The following TRDN variants were observed in gnomAD, a reference collection of about 807,000 sequenced individuals.
The protein encoded by TRDN is triadin, also known as triadin in skeletal muscle.
Under a neutral mutation model 149.7 loss-of-function variants are expected in TRDN, and 161 were observed. The observed-to-expected ratio is 1.08, with a 90% CI of 0.95 to 1.23. The LOEUF (loss-of-function observed/expected upper bound fraction) is 1.23, where lower values mean the gene tolerates loss of function less well. Ranked by LOEUF, TRDN falls within the 50% of genes most tolerant of loss-of-function variation. The pLI, the probability that TRDN is intolerant of heterozygous loss-of-function variation, is 0.00. For missense variants in TRDN, 896 were observed against 823.5 expected, an observed-to-expected ratio of 1.09 and a Z score of -1.08; for synonymous variants, 294 against 250.5, an observed-to-expected ratio of 1.17 and a Z score of -1.64.
chr6:123,382,360 C>T lies in TRDN; in HGVS notation c.1136-213G>A, dbSNP rs150729739. Among the ~76,000 whole-genome samples the T allele has an allele frequency of 8.0e-3, 1,210 of 150,950 alleles. 11 individuals are homozygous for T. The highest frequency in any genetic ancestry group is 0.012 in the Non-Finnish European group (803 of 67,564). ...GAGTGAGAAACTCTTTATAAAATAT[C>T]TTATATTAATAATATTTTATAAAGA... On this transcript the variant is annotated intron_variant, in intron 14 of 40. Transcript: ENST00000334268.
chr6:123,432,786 G>C (rs1024583233), intron 12 of TRDN, among the ~76,000 whole-genome samples: 7 of 151,950 alleles, frequency 4.6e-5, no homozygotes, highest in Non-Finnish European at 8.8e-5. Flanking sequence ...GATAACTTTT[G>C]CTTCTTGAAA....
rs1343399684 is a variant in TRDN at position 123,264,099 on chromosome 6, G to T, written c.1804+1219C>A. Among the ~76,000 whole-genome samples the T allele has an allele frequency of 2.0e-5, 3 of 152,160 alleles. No individual in the cohort carries two copies. The South Asian group carries it at 6.2e-4, about 32-fold the overall frequency. ...ATTCTGCAGCCCGTGGGACTAAAGA[G>T]TAATTTTGACATTCAAGTCTTATTA... is the stretch of plus-strand genomic sequence containing the variant. On this transcript the variant is annotated intron_variant, in intron 33 of 40. Transcript: ENST00000334268.
chr6:123,468,542 T>C (rs1031713603), intron 9 of TRDN, among the ~76,000 whole-genome samples: 34 of 152,188 alleles, frequency 2.2e-4, no homozygotes, highest in African/African-American at 7.5e-4. Flanking sequence ...TTCATTCTAA[T>C]GATCTAAGTT....
intron 20 of TRDN, among the ~76,000 whole-genome samples, chr6:123,355,304 G>T (rs1780623846): frequency 6.6e-6 from 1 of 151,270 alleles, no homozygotes; most frequent in African/African-American, 2.4e-5. Flanking sequence ...TCTTTCCTTT[G>T]TAACTAATGC....
intron 5 of TRDN, among the ~76,000 whole-genome samples, chr6:123,528,091 G>A (rs1045502865): frequency 6.6e-6 from 1 of 151,862 alleles, no homozygotes; most frequent in Non-Finnish European, 1.5e-5. Context: ...AGAAATAAAA[G>A]TTAGCTTGAT....
At chr6:123,430,432 A>G (rs1009317102) in intron 12 of TRDN, among the ~76,000 whole-genome samples, 2 of 151,872 alleles carry the variant, frequency 1.3e-5, no homozygotes, top group African/African-American at 2.4e-5. Flanking sequence ...ACTACAAAAA[A>G]TTAGCCAAGC....
intron 5 of TRDN, 144 bp from the exon 6 acceptor site, chr6:123,516,350 G>C: frequency 9.9e-7 from 1 of 1,010,502 alleles, no homozygotes; most frequent in Non-Finnish European, 1.3e-6. Context: ...GTAGTTAGAG[G>C]TTTAAACTTC....
At chr6:123,446,288 A>G (rs1775346783) in intron 10 of TRDN, among the ~76,000 whole-genome samples, 1 of 152,084 alleles carries the variant, frequency 6.6e-6, no homozygotes, top group Non-Finnish European at 1.5e-5. Flanking sequence ...CTAATGCTAG[A>G]TGACAAGTTA....
rs1782676881 is a variant in TRDN at position 123,573,452 on chromosome 6, T to C, written c.23-2320A>G. Among the ~76,000 whole-genome samples, 3 of 152,080 alleles carry C rather than the reference T, an allele frequency of 2.0e-5. No homozygotes were observed. In the South Asian group the frequency reaches 6.2e-4, roughly 31 times the overall value. ...GCACAACTATGACTCTCACTACAAC[T>C]ACAAATATCACTCTAAGAAAAGGCT... On this transcript the variant is annotated intron_variant, in intron 1 of 40. Transcript: ENST00000334268.
intron 23 of TRDN, among the ~76,000 whole-genome samples, chr6:123,326,526 A>G (rs769957709): frequency 1.6e-5 from 2 of 125,110 alleles, no homozygotes; most frequent in Non-Finnish European, 3.5e-5. Context: ...GAGTATATTA[A>G]TATTTCTCTT....
chr6:123,298,296 T>C (rs556454515), intron 24 of TRDN, among the ~76,000 whole-genome samples: 13 of 152,122 alleles, frequency 8.5e-5, no homozygotes, highest in African/African-American at 3.1e-4. Flanking sequence ...TCTTCCTCCA[T>C]TTCTGCCTTC....
chr6:123,482,373 T>C (rs1307872560), intron 9 of TRDN, among the ~76,000 whole-genome samples: 1 of 152,218 alleles, frequency 6.6e-6, no homozygotes, highest in Non-Finnish European at 1.5e-5. Flanking sequence ...ATAATTGTTA[T>C]TTAATAGGCT....
chr6:123,626,061 T>G (rs1390922801), intron 1 of TRDN, among the ~76,000 whole-genome samples: 1 of 152,214 alleles, frequency 6.6e-6, no homozygotes, highest in Non-Finnish European at 1.5e-5. Context: ...ACCCAGCCAT[T>G]GCTTTATCTT....
At chr6:123,271,731 T>C (rs2114613612) in intron 29 of TRDN, among the ~76,000 whole-genome samples, 1 of 152,090 alleles carries the variant, frequency 6.6e-6, no homozygotes, top group South Asian at 2.1e-4. Context: ...ATTGCCCTGA[T>C]ACTACATGAA....
rs188169449 is a variant in TRDN at position 123,472,010 on chromosome 6, A to G, written c.854-7027T>C. On this transcript the variant is annotated intron_variant, in intron 9 of 40. Coordinates refer to ENST00000334268, the MANE Select transcript of TRDN (RefSeq NM_006073.4). ...TAATACCCTAATTTTTAAGATAGAC[A>G]AAAAATGGTCTCCGGAAGGATAAAT... Among the ~76,000 whole-genome samples, 20 of 152,354 alleles carry G rather than the reference A, an allele frequency of 1.3e-4. No individual in the cohort carries two copies. The South Asian group carries it at 1.4e-3, about 11-fold the overall frequency.
Position 123,216,733 on chromosome 6 carries a change from T to C in TRDN, c.*1868A>G, listed in dbSNP as rs192301634. The C allele has an allele frequency of 3.0e-4, 45 of 152,066 alleles. No individual in the cohort carries two copies. The highest frequency in any genetic ancestry group is 4.4e-5 in the Non-Finnish European group (3 of 67,906). The allele number at this position is 152,066 out of a possible 1,614,324, so 9.4% of individuals were successfully genotyped here. A position where few individuals can be genotyped will look rare whatever the true frequency, so the allele number is the denominator to read the frequency against. The stretch of plus-strand genomic sequence containing the variant: ...CATGGAGAAACAAACATAGTATGTT[T>C]AGTAAATTTTTCAAGGTCATTCACT... On this transcript the variant is annotated 3_prime_UTR_variant, in exon 41 of 41. Coordinates refer to ENST00000334268, the MANE Select transcript of TRDN (RefSeq NM_006073.4).
intron 26 of TRDN, among the ~76,000 whole-genome samples, chr6:123,276,515 C>T (rs1431289): frequency 0.18 from 27,507 of 151,806 alleles, 3,083 homozygotes; most frequent in East Asian, 0.54. Flanking sequence ...AAGAAGATAC[C>T]GTTAATCGAA....
chr6:123,260,023 T>C (rs904673088), intron 34 of TRDN, among the ~76,000 whole-genome samples: 2 of 151,822 alleles, frequency 1.3e-5, no homozygotes, highest in African/African-American at 4.8e-5. Flanking sequence ...GCCCTCAAAT[T>C]CCTGGTCTCA....
chr6:123,538,352 CTAAT>C (rs1356122934), intron 4 of TRDN, among the ~76,000 whole-genome samples: 1 of 152,008 alleles, frequency 6.6e-6, no homozygotes. Flanking sequence ...TATTTAGTGG[CTAAT>C]TAAATAATGC....
Sources: allele counts gnomAD v4.1 joint callset (sites outside exome capture counted in the v4.1 genomes callset), GRCh38; gene constraint gnomAD v4.1.1; transcripts MANE v1.5; gene names NCBI Gene and HGNC (gene_info 2026-07-23, HGNC 2026-07-21).